Variants in PDZD2 observed in about 807,000 individuals in gnomAD.
The protein encoded by PDZD2 is PDZ domain containing 2.
PDZD2 carries 90 observed loss-of-function variants against 220.7 expected under a neutral mutation model. The observed-to-expected ratio is 0.41, with a 90% confidence interval of 0.34 to 0.49. The LOEUF (loss-of-function observed/expected upper bound fraction) is 0.49, where lower values mean the gene tolerates loss of function less well. Among genes scored for constraint, PDZD2 ranks in the 20% least tolerant of loss-of-function variants. PDZD2 has a pLI of 0.28. For synonymous variants in PDZD2, 1,375 were observed against 1,450.5 expected (o/e 0.95, Z 1.18); for missense variants, 3,174 against 3,608.5 (o/e 0.88, Z 3.08).
chr5:32,107,285 C>T (rs1235040812), intron 24 of PDZD2: 2 of 152,154 alleles, frequency 1.3e-5, no homozygotes, highest in Admixed American at 6.5e-5. Flanking sequence ...CCCATGGTCA[C>T]TAATGAGCAC....
At chr5:31,775,819 A>T (rs1027750351) in intron 1 of PDZD2, among the ~76,000 whole-genome samples, 1 of 152,040 alleles carries the variant, frequency 6.6e-6, no homozygotes, top group Non-Finnish European at 1.5e-5. Flanking sequence ...AAGGTCTCCC[A>T]CACTGGGCTT....
chr5:31,793,591 G>A (rs1234762240), intron 1 of PDZD2, among the ~76,000 whole-genome samples: 1 of 152,156 alleles, frequency 6.6e-6, no homozygotes, highest in East Asian at 1.9e-4. Context: ...CGAATCACTT[G>A]AGATCAGGAG....
At chr5:32,065,405 G>A (rs1379980861) in intron 14 of PDZD2, among the ~76,000 whole-genome samples, 2 of 152,218 alleles carry the variant, frequency 1.3e-5, no homozygotes, top group Non-Finnish European at 2.9e-5. Flanking sequence ...CCAGGCTACT[G>A]TGCTTGATGG....
At chr5:31,662,370 G>T (rs1303737522) in intron 1 of PDZD2, among the ~76,000 whole-genome samples, 1 of 152,056 alleles carries the variant, frequency 6.6e-6, no homozygotes, top group Non-Finnish European at 1.5e-5. Context: ...AGAAGAAAAC[G>T]TCCTGACACA....
chr5:31,710,781 A>C lies in PDZD2; in HGVS notation c.-361+71344A>C, dbSNP rs185475018. On this transcript the variant is annotated intron_variant, in intron 1 of 24. Transcript: ENST00000438447. ...CAGTGAGCCGGGATCGCGCCATTGC[A>C]CTCCAGCCTGGGCGACAAGAGCAAA... Among the ~76,000 whole-genome samples the C allele has an allele frequency of 2.4e-4, 36 of 150,430 alleles. No homozygotes were observed. The East Asian group carries it at 7.1e-3, about 30-fold the overall frequency.
intron 2 of PDZD2, among the ~76,000 whole-genome samples, chr5:31,815,936 A>G (rs116382480): frequency 0.015 from 2,260 of 152,226 alleles, 54 homozygotes; most frequent in African/African-American, 0.052. Flanking sequence ...ATCTTACTAC[A>G]TAGAGGTTTG....
At chr5:31,938,862 C>A (rs915113257) in intron 2 of PDZD2, among the ~76,000 whole-genome samples, 5 of 152,202 alleles carry the variant, frequency 3.3e-5, no homozygotes, top group African/African-American at 1.2e-4. Flanking sequence ...AGAGGAAAAT[C>A]TGGTGACCTT....
rs1267970104 is a variant in PDZD2 at position 32,087,951 on chromosome 5, T to G, written c.4503T>G (p.Pro1501=). Residue 1501 remains proline (P), a synonymous_variant, in exon 20 of 25, where the codon CCT becomes CCG. Transcript: ENST00000438447. The surrounding 1 kb of genome is among the most constrained non-coding windows in gnomAD (Gnocchi z 4.0). The part of the protein sequence containing the change: ...APAYPQWASQ[P]SVLDSINPDK... ...CCTACCCACAATGGGCCTCCCAGCC[T>G]TCGGTTTTAGATTCAATTAATCCCG... The G allele has an allele frequency of 1.3e-5, 21 of 1,613,940 alleles. No homozygotes were observed. The Admixed American group carries it at 3.5e-4, about 27-fold the overall frequency.
At chr5:31,914,526 T>C (rs959709336) in intron 2 of PDZD2, among the ~76,000 whole-genome samples, 18 of 152,028 alleles carry the variant, frequency 1.2e-4, no homozygotes, top group African/African-American at 4.3e-4. Flanking sequence ...AGACTCCATC[T>C]CAAAAACAGA....
At position 31,973,350 on chromosome 5, in the gene PDZD2, G is replaced by C. The variant is rs142407151; in HGVS notation, c.477-9805G>C. 2.2e-3 allele frequency among the ~76,000 whole-genome samples: 342 copies of C among 152,324 alleles called. 3 individuals are homozygous for C. Among genetic ancestry groups the C allele is most frequent in the Middle Eastern group, 0.01 (3 of 294 alleles). ...GAACTTTCAAGATCAATATGAAAGT[G>C]AAACTTTGTTGCATGGAGATCAAAA... On this transcript the variant is annotated intron_variant, in intron 2 of 24. Transcript: ENST00000438447.
intron 2 of PDZD2, among the ~76,000 whole-genome samples, chr5:31,939,011 T>A (rs908908140): frequency 6.6e-6 from 1 of 152,212 alleles, no homozygotes; most frequent in Admixed American, 6.5e-5. Flanking sequence ...TCAACCATCT[T>A]TCCTCCTATA....
chr5:31,660,133 A>G lies in PDZD2; in HGVS notation c.-361+20696A>G, dbSNP rs538522860. Among the ~76,000 whole-genome samples, 7 of 152,322 alleles carry G rather than the reference A, an allele frequency of 4.6e-5. No individual in the cohort carries two copies. The East Asian group carries it at 9.6e-4, about 21-fold the overall frequency. On this transcript the variant is annotated intron_variant, in intron 1 of 24. Coordinates refer to ENST00000438447, the MANE Select transcript of PDZD2 (RefSeq NM_178140.4). The stretch of plus-strand genomic sequence containing the variant: ...CACTTGGTGTTACAGACAAATTTCA[A>G]TTCAATAGATTGGAATCATCTGCAT...
chr5:32,037,066 G>A (rs780551747), intron 6 of PDZD2, among the ~76,000 whole-genome samples, 165 bp from the exon 7 acceptor site: 2 of 152,216 alleles, frequency 1.3e-5, no homozygotes, highest in African/African-American at 2.4e-5. Flanking sequence ...AAGGCGTTGC[G>A]AATGCAGCTT....
rs749745746 is a variant in PDZD2 at position 32,072,347 on chromosome 5, C to G, written c.2725+30C>G. The G allele has an allele frequency of 8.3e-6, 13 of 1,566,076 alleles. No individual in the cohort carries two copies. In the Middle Eastern group the frequency reaches 6.8e-4, roughly 82 times the overall value. ...GCAGGGGTGCCCCAGAGGGCCTGGG[C>G]TCTGCATTCCAGTCAGCAGTGACTG... is the stretch of plus-strand genomic sequence containing the variant. On this transcript the variant is annotated intron_variant, in intron 17 of 24. Transcript: ENST00000438447.
intron 2 of PDZD2, among the ~76,000 whole-genome samples, chr5:31,864,803 A>G (rs1282343293): frequency 2.8e-5 from 4 of 142,486 alleles, no homozygotes; most frequent in African/African-American, 7.9e-5. Flanking sequence ...CATGAGCCAC[A>G]GTGCCCAGTC....
chr5:31,926,760 A>C (rs937917972), intron 2 of PDZD2, among the ~76,000 whole-genome samples: 1 of 152,198 alleles, frequency 6.6e-6, no homozygotes, highest in African/African-American at 2.4e-5. Context: ...AAAAAGACAC[A>C]TGCACTTGTA....
chr5:31,668,667 A>G (rs1213196187), intron 1 of PDZD2, among the ~76,000 whole-genome samples: 2 of 152,198 alleles, frequency 1.3e-5, no homozygotes, highest in Non-Finnish European at 2.9e-5. Context: ...GATGAGCTTT[A>G]AAAACATTAA....
intron 1 of PDZD2, among the ~76,000 whole-genome samples, chr5:31,790,612 C>G (rs1206090880): frequency 6.7e-6 from 1 of 149,320 alleles, no homozygotes; most frequent in African/African-American, 2.5e-5. Context: ...TTTAAGGTAT[C>G]TAGTCTGTGT....
chr5:31,952,096 T>A (rs549882386), intron 2 of PDZD2, among the ~76,000 whole-genome samples: 2 of 152,364 alleles, frequency 1.3e-5, no homozygotes, highest in Non-Finnish European at 2.9e-5. Context: ...ATTTTATGTC[T>A]TTATTAAATT....
Sources: allele counts gnomAD v4.1 joint callset (sites outside exome capture counted in the v4.1 genomes callset), GRCh38; gene constraint gnomAD v4.1.1; non-coding constraint Gnocchi (gnomAD v3.1); transcripts MANE v1.5; gene names NCBI Gene and HGNC (gene_info 2026-07-23, HGNC 2026-07-21).